CDK14: variants seen among roughly 807,000 people sequenced by gnomAD.
CDK14 encodes the protein cyclin dependent kinase 14, also known as cyclin-dependent kinase 14.
Under a neutral mutation model 60.7 loss-of-function variants are expected in CDK14, and 34 were observed. The ratio of observed to expected loss-of-function variants is 0.56; its 90% CI spans 0.43 to 0.75. The LOEUF (loss-of-function observed/expected upper bound fraction) is 0.75, where lower values mean the gene tolerates loss of function less well. CDK14 is among the 30% of genes least tolerant of loss of function. The pLI, the probability that CDK14 is intolerant of heterozygous loss-of-function variation, is 0.00. For synonymous variants in CDK14, 197 were observed against 203.7 expected (o/e 0.97, Z 0.28); for missense variants, 482 against 564.1 (o/e 0.85, Z 1.47).
chr7:90,854,472 A>G (rs1584048399), intron 5 of CDK14, among the ~76,000 whole-genome samples: 1 of 152,120 alleles, frequency 6.6e-6, no homozygotes, highest in Admixed American at 6.6e-5. Flanking sequence ...TGAGGCTGCA[A>G]TGAGCTGTGA....
intron 6 of CDK14, among the ~76,000 whole-genome samples, chr7:90,878,587 ATAAAT>A (rs1791639573): frequency 6.6e-6 from 1 of 151,792 alleles, no homozygotes; most frequent in African/African-American, 2.4e-5. Context: ...AGATTAATTT[ATAAAT>A]GTAGTTAACC....
Position 90,972,048 on chromosome 7 carries a change from G to A in CDK14, c.948-12100G>A, listed in dbSNP as rs1794947937. 3.3e-5 allele frequency among the ~76,000 whole-genome samples: 5 copies of A among 152,204 alleles called. No homozygotes were observed. In the South Asian group the frequency reaches 8.3e-4, roughly 25 times the overall value. ...TTATTCTGATATGCTTAATTTGTAA[G>A]TACAACTTCTTAGAGATATAATTTT... is the stretch of plus-strand genomic sequence containing the variant. On this transcript the variant is annotated intron_variant, in intron 9 of 14. Transcript: ENST00000380050.
chr7:90,740,728 C>T (rs1168103033), intron 3 of CDK14, among the ~76,000 whole-genome samples: 2 of 152,080 alleles, frequency 1.3e-5, no homozygotes, highest in East Asian at 3.9e-4. Context: ...TAAAATAAAC[C>T]CTTGTTATTT....
chr7:90,927,136 T>G (rs1395147722), intron 8 of CDK14, among the ~76,000 whole-genome samples: 1 of 152,088 alleles, frequency 6.6e-6, no homozygotes, highest in African/African-American at 2.4e-5. Flanking sequence ...CCTAGATGAT[T>G]GATTAAATAA....
At chr7:90,824,473 T>A (rs1182163413) in intron 5 of CDK14, 1 of 152,170 alleles carries the variant, frequency 6.6e-6, no homozygotes, top group Non-Finnish European at 1.5e-5. Context: ...AAGCTGTGAG[T>A]CAGTTGGAGA....
In CDK14 at chr7:91,137,712, G is replaced by A. The variant is rs562464134; in HGVS notation, c.*28+19504G>A. Among the ~76,000 whole-genome samples, 13 of 141,896 alleles carry A rather than the reference G, an allele frequency of 9.2e-5. No individual in the cohort carries two copies. In the South Asian group the frequency reaches 1.2e-3, roughly 13 times the overall value. 93.1% of individuals were successfully genotyped at this position (141,896 alleles called of 152,430 possible). The stretch of plus-strand genomic sequence containing the variant: ...GTGGGGGGTGTGTGTGTGTGTGTGT[G>A]TGTATGTGTGTGTGTGTGTGTTTAA... On this transcript the variant is annotated intron_variant, in intron 14 of 14. Transcript: ENST00000380050.
At chr7:91,083,844 A>AT (rs1798551391) in intron 12 of CDK14, among the ~76,000 whole-genome samples, 1 of 152,212 alleles carries the variant, frequency 6.6e-6, no homozygotes, top group South Asian at 2.1e-4. Context: ...AGAGAAAACT[A>AT]TCTGAGTGGA....
At position 91,186,116 on chromosome 7, in the gene CDK14, C is replaced by T. The variant is rs1464002810; in HGVS notation, c.*29-21049C>T. Among the ~76,000 whole-genome samples the T allele has an allele frequency of 5.8e-5, 6 of 103,502 alleles. No homozygotes were observed. In the East Asian group the frequency reaches 9.9e-4, roughly 17 times the overall value. 67.9% of individuals were successfully genotyped at this position (103,502 alleles called of 152,430 possible). Reference sequence around the variant, plus strand: ...CCTGTCTTCCTTCTCCCCTCCCCTCCCCTCTCCTCTCCTCCCCTCCCCTCT... The same window carrying T: ...CCTGTCTTCCTTCTCCCCTCCCCTCTCCTCTCCTCTCCTCCCCTCCCCTCT... On this transcript the variant is annotated intron_variant, in intron 14 of 14. Transcript: ENST00000380050.
intron 14 of CDK14, among the ~76,000 whole-genome samples, chr7:91,150,271 CG>C (rs1286671571): frequency 5.1e-4 from 78 of 152,246 alleles, no homozygotes; most frequent in Admixed American, 5.1e-3. Context: ...GGGGACATTT[CG>C]TGTTTAAAAT....
chr7:91,122,844 T>C (rs114124051), intron 14 of CDK14, among the ~76,000 whole-genome samples: 1,548 of 152,290 alleles, frequency 0.01, 24 homozygotes, highest in African/African-American at 0.035. Context: ...GTTGTGTCAG[T>C]CACCCCTGTA....
chr7:91,103,692 A>G (rs1287185936), intron 12 of CDK14, among the ~76,000 whole-genome samples: 1 of 152,190 alleles, frequency 6.6e-6, no homozygotes, highest in African/African-American at 2.4e-5. Flanking sequence ...CATCTTCCTC[A>G]TTTCTGAGGT....
At chr7:90,909,951 C>T (rs1373759930) in intron 7 of CDK14, among the ~76,000 whole-genome samples, 1 of 152,110 alleles carries the variant, frequency 6.6e-6, no homozygotes, top group African/African-American at 2.4e-5. Context: ...CAGGGCAAAA[C>T]AGTGGCAAGA....
At chr7:90,783,412 CA>C (rs1219772374) in intron 4 of CDK14, among the ~76,000 whole-genome samples, 1 of 152,082 alleles carries the variant, frequency 6.6e-6, no homozygotes, top group Non-Finnish European at 1.5e-5. Context: ...TGTTCTGAAG[CA>C]TTTCCCAATG....
chr7:90,720,887 T>G (rs1227780371), intron 2 of CDK14, among the ~76,000 whole-genome samples: 1 of 152,190 alleles, frequency 6.6e-6, no homozygotes, highest in Non-Finnish European at 1.5e-5. Context: ...TTATTGACTG[T>G]TGGGGTCCTG....
chr7:90,852,661 G>A (rs16868000), intron 5 of CDK14, among the ~76,000 whole-genome samples: 93 of 152,262 alleles, frequency 6.1e-4, no homozygotes, highest in African/African-American at 2.1e-3. Flanking sequence ...ACGGTTATTA[G>A]CAGCCGAGCA....
At chr7:90,651,764 A>G (rs1336779500) in intron 2 of CDK14, among the ~76,000 whole-genome samples, 1 of 151,726 alleles carries the variant, frequency 6.6e-6, no homozygotes, top group Non-Finnish European at 1.5e-5. Context: ...CATTTTTTTA[A>G]TGCTCGTAGC....
chr7:90,863,712 G>A (rs1485846951), intron 6 of CDK14, among the ~76,000 whole-genome samples: 1 of 151,616 alleles, frequency 6.6e-6, no homozygotes, highest in South Asian at 2.1e-4. Flanking sequence ...GTGTGTGTGT[G>A]TAGGAAAGCC....
intron 10 of CDK14, among the ~76,000 whole-genome samples, chr7:91,005,572 C>A (rs1795961375): frequency 6.6e-6 from 1 of 152,172 alleles, no homozygotes; most frequent in East Asian, 1.9e-4. Flanking sequence ...AGAAATAAAT[C>A]AATCTTACAC....
At chr7:91,017,077 G>C (rs1208905) in intron 10 of CDK14, among the ~76,000 whole-genome samples, 96,571 of 152,068 alleles carry the variant, frequency 0.64, 30,999 homozygotes, top group Middle Eastern at 0.74. Context: ...CTGCTGGAAT[G>C]TATTTGTAAT....
Sources: gnomAD v4.1 joint callset for allele counts (sites outside exome capture counted in the v4.1 genomes callset) on GRCh38, gnomAD v4.1.1 for gene constraint, MANE v1.5 for transcripts, NCBI Gene and HGNC (gene_info 2026-07-23, HGNC 2026-07-21) for gene names.